The following AFM variants were observed in gnomAD, a reference collection of about 807,000 sequenced individuals.
AFM encodes alpha-Alb.
In AFM, 82 loss-of-function variants were observed where a neutral mutation model predicts 68.7. The ratio of observed to expected loss-of-function variants is 1.19; its 90% CI spans 1.00 to 1.43. The LOEUF (loss-of-function observed/expected upper bound fraction) is 1.43, where lower values mean the gene tolerates loss of function less well. Ranked by LOEUF, AFM falls within the 40% of genes most tolerant of loss-of-function variation. The pLI is 0.00. For missense variants in AFM, 772 were observed against 701.8 expected (o/e 1.10, Z -1.13); for synonymous variants, 250 against 234.2 (o/e 1.07, Z -0.61).
At chr4:73,499,651 G>T (rs898948258) in intron 11 of AFM, among the ~76,000 whole-genome samples, 1 of 152,132 alleles carries the variant, frequency 6.6e-6, no homozygotes, top group Non-Finnish European at 1.5e-5. Flanking sequence ...GGGGTGGAGA[G>T]TACCTTGAGG....
At chr4:73,487,630 A>T in intron 5 of AFM, 94 bp from the exon 6 acceptor site, 1 of 858,818 alleles carries the variant, frequency 1.2e-6, no homozygotes, top group Non-Finnish European at 1.8e-6. Flanking sequence ...TCTCTGAACA[A>T]ATTTTGTAAT....
rs1560409446 is a variant in AFM at position 73,487,075 on chromosome 4, C to T, written c.591C>T (p.Asn197=). 6.2e-7 allele frequency: 1 copy of T among 1,613,968 alleles called. No individual in the cohort carries two copies. The highest frequency in any genetic ancestry group is 1.1e-5 in the South Asian group (1 of 91,066). Residue 197 remains asparagine (N), a synonymous_variant, in exon 5 of 15, where the codon AAC becomes AAT. Coordinates refer to ENST00000226355, the MANE Select transcript of AFM (RefSeq NM_001133.2). ...CCAAATCATGTTGTGAAGAACAAAA[C>T]AAAGTCAACTGCCTTCAAACAAGGG... ...EVAKSCCEEQ[N]KVNCLQTRAI...
In AFM at chr4:73,500,050, C is replaced by G. The variant is rs1194080487; in HGVS notation, c.1469C>G (p.Thr490Ser). Residue 490 changes from threonine to serine, a missense_variant, in exon 12 of 15, where the codon ACT becomes AGT. Coordinates refer to ENST00000226355, the MANE Select transcript of AFM (RefSeq NM_001133.2). ...TTATGTGGAGTAAATGAAAATCGAA[C>G]TATCAACCCTGCTGTGGACCACTGC... is the stretch of plus-strand genomic sequence containing the variant. ...GELCGVNENR[T>S]INPAVDHCCK... is the part of the protein sequence containing the mutation. The G allele has an allele frequency of 1.2e-6, 2 of 1,614,022 alleles. No homozygotes were observed. The highest frequency in any genetic ancestry group is 1.7e-6 in the Non-Finnish European group (2 of 1,179,930).
intron 3 of AFM, among the ~76,000 whole-genome samples, chr4:73,485,244 T>C (rs532779858): frequency 1.8e-4 from 27 of 152,102 alleles, no homozygotes; most frequent in Non-Finnish European, 3.4e-4. Flanking sequence ...ACTCTACCAA[T>C]ACATTAACAT....
At chr4:73,491,182 A>G (rs1218899516) in intron 7 of AFM, among the ~76,000 whole-genome samples, 2 of 152,042 alleles carry the variant, frequency 1.3e-5, no homozygotes, top group Non-Finnish European at 2.9e-5. Flanking sequence ...AGATAACCCC[A>G]CCCTCTCTCT....
At chr4:73,483,085 T>A (rs2149342049) in intron 1 of AFM, among the ~76,000 whole-genome samples, 1 of 152,302 alleles carries the variant, frequency 6.6e-6, no homozygotes, top group South Asian at 2.1e-4. Flanking sequence ...CTTCTCAAGA[T>A]TTCTTAATGC....
chr4:73,493,173 G>A (rs1181238413), intron 8 of AFM, among the ~76,000 whole-genome samples: 1 of 152,148 alleles, frequency 6.6e-6, no homozygotes, highest in Non-Finnish European at 1.5e-5. Flanking sequence ...CATCTGCAGC[G>A]AGAGACCAGC....
At chr4:73,485,721 G>A (rs1320558569) in intron 3 of AFM, 141 bp from the exon 4 acceptor site, 4 of 619,750 alleles carry the variant, frequency 6.5e-6, no homozygotes, top group Admixed American at 2.9e-5. Flanking sequence ...AGGGGAAGGG[G>A]AAGGGGAAGG....
In AFM at chr4:73,484,281, A is replaced by T; in HGVS notation, c.161A>T (p.Tyr54Phe). 1.2e-6 allele frequency: 2 copies of T among 1,612,632 alleles called. No individual in the cohort carries two copies. Among genetic ancestry groups the T allele is most frequent in the Non-Finnish European group, 1.7e-6 (2 of 1,179,558 alleles). ...AGCACCATCATTGCATTTGCTCAGT[A>T]TGTTCAGGAAGCAACCTTTGAAGAA... ...EYITIIAFAQ[Y>F]VQEATFEEME... The change falls in exon 3 of 15, where the codon TAT becomes TTT. Residue 54 changes from tyrosine (Y) to phenylalanine (F), a missense_variant. Physicochemically the swap from Tyr to Phe is conservative, Grantham distance 22. Coordinates refer to ENST00000226355, the MANE Select transcript of AFM (RefSeq NM_001133.2).
Position 73,492,066 on chromosome 4 carries a change from C to T in AFM, c.1038C>T (p.Asp346=), listed in dbSNP as rs369895705. The change falls in exon 8 of 15, where the codon GAC becomes GAT. Residue 346 remains aspartate, a synonymous_variant. Coordinates refer to ENST00000226355, the MANE Select transcript of AFM (RefSeq NM_001133.2). ...SENVCQERDA[D]PDTFFAKFTF... ...ATGTGTGTCAAGAACGAGATGCTGA[C>T]CCAGACACCTTCTTTGCGAAGTAAT... The T allele has an allele frequency of 6.2e-6, 10 of 1,609,352 alleles. No individual in the cohort carries two copies. The African/African-American group carries it at 1.3e-4, about 22-fold the overall frequency.
chr4:73,500,533 G>A (rs1172131939), intron 12 of AFM, among the ~76,000 whole-genome samples: 2 of 152,262 alleles, frequency 1.3e-5, no homozygotes, highest in East Asian at 1.9e-4. Context: ...ATTTCCTTGA[G>A]GGAATGCCCG....
At chr4:73,488,288 A>G (rs1577974560) in intron 6 of AFM, among the ~76,000 whole-genome samples, 1 of 152,212 alleles carries the variant, frequency 6.6e-6, no homozygotes, top group Admixed American at 6.5e-5. Context: ...TCAGCAGGAA[A>G]GAGTTCTATC....
chr4:73,486,519 T>C (rs1479391462), intron 4 of AFM, among the ~76,000 whole-genome samples: 1 of 152,192 alleles, frequency 6.6e-6, no homozygotes, highest in African/African-American at 2.4e-5. Context: ...GAAATCTAAA[T>C]CTAAATCACA....
rs569377219 is a variant in AFM at position 73,498,020 on chromosome 4, A to G, written c.1289+271A>G. Among the ~76,000 whole-genome samples the G allele has an allele frequency of 7.2e-5, 11 of 152,300 alleles. No homozygotes were observed. The South Asian group carries it at 1.9e-3, about 26-fold the overall frequency. On this transcript the variant is annotated intron_variant, in intron 10 of 14. Coordinates refer to ENST00000226355, the MANE Select transcript of AFM (RefSeq NM_001133.2). ...TTTGACATTGGCTTTCTCACTGCCA[A>G]TCTAGAATCCCTGCATCCTCACCCA...
intron 3 of AFM, 59 bp from the exon 4 acceptor site, chr4:73,485,803 A>C: frequency 7.4e-7 from 1 of 1,360,314 alleles, no homozygotes; most frequent in Non-Finnish European, 1.0e-6. Flanking sequence ...TTTCTCAGTG[A>C]GTACAGAAGC....
rs199879249 is a variant in AFM, at chr4:73,484,005, T to G, written c.137+16T>G. 5 of 1,502,184 alleles carry G rather than the reference T, an allele frequency of 3.3e-6. No individual in the cohort carries two copies. The highest frequency in any genetic ancestry group is 4.5e-6 in the Non-Finnish European group (5 of 1,102,834). The allele number at this position is 1,502,184 out of a possible 1,614,324, so 93.1% of individuals were successfully genotyped here. A position where few individuals can be genotyped will look rare whatever the true frequency, so the allele number is the denominator to read the frequency against. ...TTGAATACATGTGAGTTGTGCTAAA[T>G]ACTTTTTGATGATGATTTTTAAAAT... On this transcript the variant is annotated intron_variant, in intron 2 of 14. Transcript: ENST00000226355.
intron 13 of AFM, among the ~76,000 whole-genome samples, 195 bp downstream of exon 13, chr4:73,502,114 T>C (rs2149347521): frequency 6.6e-6 from 1 of 152,318 alleles, no homozygotes; most frequent in South Asian, 2.1e-4. Flanking sequence ...CAGAAAAAGC[T>C]GTCGGAAGAC....
At chr4:73,485,429 C>T (rs1358695264) in intron 3 of AFM, among the ~76,000 whole-genome samples, 1 of 152,006 alleles carries the variant, frequency 6.6e-6, no homozygotes, top group Non-Finnish European at 1.5e-5. Context: ...TTTGGCACAC[C>T]TGTTCTCCCA....
At chr4:73,493,573 C>G (rs115788180) in intron 8 of AFM, among the ~76,000 whole-genome samples, 5,252 of 152,312 alleles carry the variant, frequency 0.034, 123 homozygotes, top group African/African-American at 0.065. Context: ...CTCTCATCTA[C>G]TAACCAACCA....
Sources: allele counts gnomAD v4.1 joint callset (sites outside exome capture counted in the v4.1 genomes callset), GRCh38; gene constraint gnomAD v4.1.1; transcripts MANE v1.5; gene names NCBI Gene and HGNC (gene_info 2026-07-23, HGNC 2026-07-21).